EFR3A: variants seen among roughly 807,000 people sequenced by gnomAD.
EFR3A encodes EFR3 homolog A, also known as protein EFR3 homolog A.
A neutral mutation model predicts 104.4 loss-of-function variants in EFR3A; 76 were observed. That is an observed-to-expected ratio of 0.73 (90% CI 0.60 to 0.88). The LOEUF (loss-of-function observed/expected upper bound fraction) is 0.88, where lower values mean the gene tolerates loss of function less well. Ranked by LOEUF, EFR3A falls within the 40% of genes least tolerant of loss-of-function variation. The pLI is 0.00. For missense variants in EFR3A, 985 were observed against 1,012.5 expected (o/e 0.97, Z 0.37); for synonymous variants, 330 against 330.0 (o/e 1.00, Z 0.00).
chr8:132,001,721 CTTT>C (rs1256271004), intron 19 of EFR3A, 35 bp from the exon 20 acceptor site: 11 of 1,580,996 alleles, frequency 7.0e-6, no homozygotes, highest in Non-Finnish European at 9.6e-6. Context: ...TATATTGACC[CTTT>C]TTAACTCTCG....
At chr8:131,925,478 G>C (rs1291317700) in intron 1 of EFR3A, among the ~76,000 whole-genome samples, 2 of 152,044 alleles carry the variant, frequency 1.3e-5, no homozygotes, top group Non-Finnish European at 1.5e-5. Context: ...TCAATAATAT[G>C]TGATGAGCAT....
chr8:131,938,727 T>G (rs1818024176), intron 1 of EFR3A, among the ~76,000 whole-genome samples: 1 of 152,126 alleles, frequency 6.6e-6, no homozygotes, highest in African/African-American at 2.4e-5. Context: ...TTGAGTTTAG[T>G]GTGGCAGTTA....
At position 132,013,321 on chromosome 8, in the gene EFR3A, T is replaced by C. The variant is rs1822444646; in HGVS notation, c.*2426T>C. On this transcript the variant is annotated 3_prime_UTR_variant, in exon 23 of 23. Transcript: ENST00000254624. ...AGTTTTATTGTTATTGGTGTTTACCTGAATACCTATGCGTACACACACACA... is the reference window on the plus strand; with the variant it reads ...AGTTTTATTGTTATTGGTGTTTACCCGAATACCTATGCGTACACACACACA... 1.3e-5 allele frequency: 2 copies of C among 152,632 alleles called. No individual in the cohort carries two copies. 9.5% of individuals were successfully genotyped at this position (152,632 alleles called of 1,614,324 possible). A position where few individuals can be genotyped will look rare whatever the true frequency, so the allele number is the denominator to read the frequency against.
intron 18 of EFR3A, 105 bp from the exon 19 acceptor site, chr8:131,996,299 GTC>G (rs968085131): frequency 4.3e-5 from 28 of 648,926 alleles, no homozygotes; most frequent in Non-Finnish European, 5.9e-5. Context: ...AAGACAAACT[GTC>G]TGAATTTTTT....
At chr8:132,003,893 A>G (rs1821908802) in intron 22 of EFR3A, among the ~76,000 whole-genome samples, 1 of 152,170 alleles carries the variant, frequency 6.6e-6, no homozygotes, top group Non-Finnish European at 1.5e-5. Context: ...TCTTACATTG[A>G]CTTCAGTGTG....
intron 1 of EFR3A, among the ~76,000 whole-genome samples, chr8:131,911,144 A>G (rs1455202119): frequency 6.6e-6 from 1 of 152,204 alleles, no homozygotes; most frequent in African/African-American, 2.4e-5. Context: ...TAAGATGGAA[A>G]AATGAAGTAA....
intron 10 of EFR3A, among the ~76,000 whole-genome samples, chr8:131,974,178 T>C (rs1820212025): frequency 6.6e-6 from 1 of 152,196 alleles, no homozygotes; most frequent in Admixed American, 6.5e-5. Flanking sequence ...ATGTAACCTA[T>C]GCATCAGCAT....
At chr8:131,969,525 T>TG (rs200474299) in intron 9 of EFR3A, among the ~76,000 whole-genome samples, 3,130 of 134,714 alleles carry the variant, frequency 0.023, 50 homozygotes, top group African/African-American at 0.052. Flanking sequence ...TTTGTGTGTG[T>TG]TTTTTTTTTT....
chr8:131,944,206 G>A (rs898220584), intron 2 of EFR3A, among the ~76,000 whole-genome samples: 2 of 151,960 alleles, frequency 1.3e-5, no homozygotes, highest in Non-Finnish European at 2.9e-5. Flanking sequence ...ACAAATGACC[G>A]TTTTATAATC....
chr8:131,904,701 G>C (rs1008633582), intron 1 of EFR3A, among the ~76,000 whole-genome samples: 1 of 152,132 alleles, frequency 6.6e-6, no homozygotes, highest in Non-Finnish European at 1.5e-5. Context: ...TTCTCACCTC[G>C]GGCCGGACGT....
At chr8:131,936,951 TTAAC>T (rs1485084449) in intron 1 of EFR3A, among the ~76,000 whole-genome samples, 6 of 152,180 alleles carry the variant, frequency 3.9e-5, no homozygotes, top group African/African-American at 9.6e-5. Flanking sequence ...TGTAACCAAC[TTAAC>T]TATCAGCCCC....
intron 18 of EFR3A, among the ~76,000 whole-genome samples, chr8:131,991,155 A>T (rs1821162755): frequency 6.6e-6 from 1 of 152,162 alleles, no homozygotes. Context: ...GCAAGAAAGA[A>T]TGAGGAAGAA....
intron 22 of EFR3A, 33 bp from the exon 23 acceptor site, chr8:132,010,757 A>G (rs780942146): frequency 1.2e-5 from 19 of 1,606,548 alleles, no homozygotes; most frequent in Non-Finnish European, 1.6e-5. Context: ...TTGTAAGTAC[A>G]CCTGCTGACA....
At chr8:131,982,950 C>T (rs1162394568) in intron 14 of EFR3A, among the ~76,000 whole-genome samples, 2 of 152,118 alleles carry the variant, frequency 1.3e-5, no homozygotes, top group Non-Finnish European at 2.9e-5. Context: ...CCAAAAAAGG[C>T]TTACTAACAC....
At chr8:131,973,580 C>A (rs1820181078) in intron 10 of EFR3A, among the ~76,000 whole-genome samples, 2 of 152,036 alleles carry the variant, frequency 1.3e-5, no homozygotes, top group Non-Finnish European at 1.5e-5. Context: ...TAAAATCAAA[C>A]TTTTAAAAAA....
Position 131,976,115 on chromosome 8 carries a change from C to G in EFR3A, c.1248C>G (p.Thr416=). 1 of 1,598,386 alleles carries G rather than the reference C, an allele frequency of 6.3e-7. No homozygotes were observed. The highest frequency in any genetic ancestry group is 8.5e-7 in the Non-Finnish European group (1 of 1,170,594). Residue 416 remains threonine (T), a synonymous_variant, in exon 11 of 23, where the codon ACC becomes ACG. Coordinates refer to ENST00000254624, the MANE Select transcript of EFR3A (RefSeq NM_015137.6). ...MGKVPVFGTS[T]HTLDISQLGD... is the part of the protein sequence containing the mutation. ...AAGTACCTGTCTTTGGAACATCTAC[C>G]CATACTTTGGATATCAGTCAACTAG...
In EFR3A at chr8:132,002,668, G is replaced by A. The variant is rs764675521; in HGVS notation, c.2272G>A (p.Ala758Thr). 23 of 1,613,772 alleles carry A rather than the reference G, an allele frequency of 1.4e-5. No individual in the cohort carries two copies. Among genetic ancestry groups the A allele is most frequent in the Non-Finnish European group, 1.9e-5 (22 of 1,179,732 alleles). The change falls in exon 21 of 23, where the codon GCA becomes ACA. Residue 758 changes from alanine to threonine, a missense_variant. Ala to Thr is a moderately conservative substitution (Grantham distance 58). Coordinates refer to ENST00000254624, the MANE Select transcript of EFR3A (RefSeq NM_015137.6). ...RRLVIEKFQK[A>T]PFEEIAAQCE... The stretch of plus-strand genomic sequence containing the variant: ...TCTTGTGATAGAGAAATTTCAGAAA[G>A]CACCTTTTGAAGAAATAGCAGCACA...
chr8:131,908,739 C>G (rs949241810), intron 1 of EFR3A, among the ~76,000 whole-genome samples: 8 of 152,134 alleles, frequency 5.3e-5, no homozygotes, highest in Non-Finnish European at 8.8e-5. Flanking sequence ...AGGAGTTGAA[C>G]AGGATCCCAT....
intron 1 of EFR3A, among the ~76,000 whole-genome samples, chr8:131,933,410 C>A (rs751358243): frequency 6.6e-6 from 1 of 152,042 alleles, no homozygotes; most frequent in Admixed American, 6.6e-5. Flanking sequence ...CTCTTTCATC[C>A]GTTGGGTTGT....
Sources: allele counts gnomAD v4.1 joint callset (sites outside exome capture counted in the v4.1 genomes callset), GRCh38; gene constraint gnomAD v4.1.1; transcripts MANE v1.5; gene names NCBI Gene and HGNC (gene_info 2026-07-23, HGNC 2026-07-21).